Variants in RTN1 observed in about 807,000 individuals in gnomAD.
The protein encoded by RTN1 is reticulon 1, also known as reticulon-1.
RTN1 carries 25 observed loss-of-function variants against 65.5 expected under a neutral mutation model. The ratio of observed to expected loss-of-function variants is 0.38; its 90% confidence interval spans 0.28 to 0.53. The LOEUF is 0.53. Ranked by LOEUF, RTN1 falls within the 20% of genes least tolerant of loss-of-function variation. The pLI is 0.79. For synonymous variants in RTN1, 471 were observed against 447.6 expected (o/e 1.05, Z -0.66); for missense variants, 983 against 1,025.4 (o/e 0.96, Z 0.57).
intron 3 of RTN1, among the ~76,000 whole-genome samples, chr14:59,642,584 G>A (rs1191616435): frequency 6.6e-6 from 1 of 152,028 alleles, no homozygotes; most frequent in Non-Finnish European, 1.5e-5. Context: ...TGTCTTCTGT[G>A]TTCAAAGTCT....
chr14:59,710,079 G>A (rs1884385102), intron 3 of RTN1, among the ~76,000 whole-genome samples: 2 of 123,002 alleles, frequency 1.6e-5, no homozygotes, highest in South Asian at 4.9e-4. Context: ...CTGTCACTCT[G>A]TTGCCCAGGC....
chr14:59,732,929 C>T (rs1387525174), intron 2 of RTN1, among the ~76,000 whole-genome samples: 1 of 152,092 alleles, frequency 6.6e-6, no homozygotes, highest in Admixed American at 6.5e-5. Flanking sequence ...TGCATTGGAG[C>T]CCCCCGGTGG....
intron 1 of RTN1, among the ~76,000 whole-genome samples, chr14:59,819,414 ACCCCCC>A (rs1566737477): frequency 0.11 from 3,624 of 31,960 alleles, 1,002 homozygotes; most frequent in Non-Finnish European, 0.13. Flanking sequence ...CACCACCACC[ACCCCCC>A]CCCCACCCCC....
At chr14:59,686,937 T>C (rs1414001115) in intron 3 of RTN1, among the ~76,000 whole-genome samples, 4 of 152,224 alleles carry the variant, frequency 2.6e-5, no homozygotes, top group Non-Finnish European at 5.9e-5. Context: ...AGGCATTTTA[T>C]AATAGTCTTA....
chr14:59,749,172 C>CTATATATCTATCTATATA (rs1885306397), intron 1 of RTN1, among the ~76,000 whole-genome samples: 1 of 61,012 alleles, frequency 1.6e-5, no homozygotes, highest in African/African-American at 1.2e-4. Flanking sequence ...ATCTATATAT[C>CTATATATCTATCTATATA]TATCTATATA....
chr14:59,750,430 C>T (rs984018487), intron 1 of RTN1, among the ~76,000 whole-genome samples: 598 of 56,042 alleles, frequency 0.011, 49 homozygotes, highest in African/African-American at 0.044. Flanking sequence ...TATAATATAT[C>T]TATAATATAT....
rs971394413 is a variant in RTN1, at chr14:59,868,536, G to C, written c.241+1854C>G. On this transcript the variant is annotated intron_variant, in intron 1 of 8. Coordinates refer to ENST00000267484, the MANE Select transcript of RTN1 (RefSeq NM_021136.3). The surrounding 1 kb of genome is among the most constrained non-coding windows in gnomAD (Gnocchi z 4.0). ...ACTGTACATTTTGAAATTGCTAAAA[G>C]AGTAAATTTTAAACGCTTTTACCAC... Among the ~76,000 whole-genome samples, 2 of 152,062 alleles carry C rather than the reference G, an allele frequency of 1.3e-5. No homozygotes were observed. The highest frequency in any genetic ancestry group is 4.8e-5 in the African/African-American group (2 of 41,404).
At chr14:59,861,066 A>C (rs1304306904) in intron 1 of RTN1, among the ~76,000 whole-genome samples, 2 of 152,160 alleles carry the variant, frequency 1.3e-5, no homozygotes, top group African/African-American at 4.8e-5. Context: ...ACTGTTGGGA[A>C]GGCATGATTG....
chr14:59,814,613 T>A (rs1388740236), intron 1 of RTN1, among the ~76,000 whole-genome samples: 1 of 152,262 alleles, frequency 6.6e-6, no homozygotes, highest in Non-Finnish European at 1.5e-5. Context: ...TATCTGGTCA[T>A]CTATGGCTTC....
intron 1 of RTN1, among the ~76,000 whole-genome samples, chr14:59,759,366 CTG>C (rs1227927287): frequency 6.6e-6 from 1 of 152,176 alleles, no homozygotes; most frequent in Non-Finnish European, 1.5e-5. Context: ...CATTTACAAG[CTG>C]TGTGACCCTG....
chr14:59,770,251 G>A (rs975004930), intron 1 of RTN1, among the ~76,000 whole-genome samples: 6 of 151,620 alleles, frequency 4.0e-5, no homozygotes, highest in African/African-American at 1.2e-4. Flanking sequence ...GGTGCTGCAC[G>A]CCTGTAATCC....
intron 3 of RTN1, among the ~76,000 whole-genome samples, chr14:59,675,120 G>T (rs1017821531): frequency 2.6e-5 from 4 of 152,056 alleles, no homozygotes; most frequent in African/African-American, 9.7e-5. Context: ...CACCATGATG[G>T]AGGAAGCTCA....
chr14:59,672,479 ACAT>A (rs1883526939), intron 3 of RTN1, among the ~76,000 whole-genome samples: 1 of 152,182 alleles, frequency 6.6e-6, no homozygotes, highest in Non-Finnish European at 1.5e-5. Flanking sequence ...CATAAAGGAC[ACAT>A]CATATGGCAA....
At chr14:59,610,107 T>C (rs769630981) in intron 3 of RTN1, 3 of 777,266 alleles carry the variant, frequency 3.9e-6, no homozygotes, top group Middle Eastern at 2.3e-4. Flanking sequence ...CCCCTCTGAA[T>C]GAATTGCTTT....
chr14:59,862,971 A>ATCTCCAACCACTCCC (rs1255902299), intron 1 of RTN1, among the ~76,000 whole-genome samples: 1 of 152,028 alleles, frequency 6.6e-6, no homozygotes, highest in Non-Finnish European at 1.5e-5. Context: ...TCTCAGCCCC[A>ATCTCCAACCACTCCC]TCTCCAACCA....
chr14:59,796,208 C>A (rs1886436093), intron 1 of RTN1, among the ~76,000 whole-genome samples: 1 of 152,104 alleles, frequency 6.6e-6, no homozygotes, highest in Non-Finnish European at 1.5e-5. Flanking sequence ...AATACAGTAA[C>A]ATGCTATACA....
At chr14:59,749,462 A>C (rs1169696985) in intron 1 of RTN1, among the ~76,000 whole-genome samples, 3 of 101,446 alleles carry the variant, frequency 3.0e-5, no homozygotes, top group African/African-American at 1.3e-4. Context: ...ATCTATATAT[A>C]TCTAATCTAT....
At chr14:59,761,416 T>C (rs1885746094) in intron 1 of RTN1, among the ~76,000 whole-genome samples, 1 of 152,230 alleles carries the variant, frequency 6.6e-6, no homozygotes, top group Non-Finnish European at 1.5e-5. Context: ...AGTCCTTCTC[T>C]TGCCTGCTAC....
intron 2 of RTN1, among the ~76,000 whole-genome samples, chr14:59,740,941 C>G (rs1347250642): frequency 6.6e-6 from 1 of 151,954 alleles, no homozygotes; most frequent in African/African-American, 2.4e-5. Context: ...AAGAAAGGCA[C>G]CCCAGGGTGA....
Sources: gnomAD v4.1 joint callset for allele counts (sites outside exome capture counted in the v4.1 genomes callset) on GRCh38, gnomAD v4.1.1 for gene constraint, Gnocchi (gnomAD v3.1) non-coding constraint, MANE v1.5 for transcripts, NCBI Gene and HGNC (gene_info 2026-07-23, HGNC 2026-07-21) for gene names.